CTNNA2: variants seen among roughly 807,000 people sequenced by gnomAD.
CTNNA2 encodes the protein catenin alpha 2.
In CTNNA2, 42 loss-of-function variants were observed where a neutral mutation model predicts 101.0. The ratio of observed to expected loss-of-function variants is 0.42; its 90% CI spans 0.32 to 0.54. The LOEUF is 0.54. Among genes scored for constraint, CTNNA2 ranks in the 20% least tolerant of loss-of-function variants. CTNNA2 has a pLI of 0.14. For synonymous variants in CTNNA2, 450 were observed against 456.4 expected (o/e 0.99, Z 0.18); for missense variants, 871 against 1,223.1 (o/e 0.71, Z 4.29).
At chr2:79,715,726 G>T (rs1428119797) in intron 2 of CTNNA2, among the ~76,000 whole-genome samples, 1 of 152,032 alleles carries the variant, frequency 6.6e-6, no homozygotes, top group Non-Finnish European at 1.5e-5. Flanking sequence ...ATGAAACTTG[G>T]TAAAAAGAAA....
At chr2:79,307,148 CAG>C (rs1276233423) in intron 2 of CTNNA2, among the ~76,000 whole-genome samples, 1 of 152,066 alleles carries the variant, frequency 6.6e-6, no homozygotes, top group African/African-American at 2.4e-5. Context: ...TATGGTTACA[CAG>C]TGATAGTTTG....
At chr2:79,255,506 G>T (rs185166918) in intron 2 of CTNNA2, among the ~76,000 whole-genome samples, 90 of 152,296 alleles carry the variant, frequency 5.9e-4, no homozygotes, top group African/African-American at 1.8e-3. Flanking sequence ...CAGCATGGCA[G>T]AGTTACAACT....
intron 3 of CTNNA2, among the ~76,000 whole-genome samples, chr2:79,373,465 A>G (rs1677918319): frequency 6.6e-6 from 1 of 152,220 alleles, no homozygotes; most frequent in Non-Finnish European, 1.5e-5. Context: ...CTGTAACAGG[A>G]GAATGCCTGA....
intron 7 of CTNNA2, among the ~76,000 whole-genome samples, chr2:80,290,693 C>A (rs1283477449): frequency 6.6e-6 from 1 of 151,988 alleles, no homozygotes; most frequent in Non-Finnish European, 1.5e-5. Flanking sequence ...GTGGTTTACC[C>A]CAAAAATTAG....
chr2:80,423,594 C>T (rs987386620), intron 9 of CTNNA2, among the ~76,000 whole-genome samples: 3 of 151,866 alleles, frequency 2.0e-5, no homozygotes, highest in Non-Finnish European at 4.4e-5. Context: ...TGTTTTGGGG[C>T]GGCTCCACAG....
chr2:80,069,503 C>T (rs1435691374), intron 7 of CTNNA2, among the ~76,000 whole-genome samples: 14 of 152,046 alleles, frequency 9.2e-5, no homozygotes, highest in Admixed American at 4.6e-4. Flanking sequence ...TACAACCATC[C>T]GCCATACGAT....
At chr2:80,419,065 A>G (rs972170614) in intron 8 of CTNNA2, among the ~76,000 whole-genome samples, 1 of 152,160 alleles carries the variant, frequency 6.6e-6, no homozygotes, top group Non-Finnish European at 1.5e-5. Context: ...ATCTTTATCT[A>G]AAGTTCTCCC....
At chr2:79,460,015 T>G (rs985029145) in intron 4 of CTNNA2, among the ~76,000 whole-genome samples, 1 of 152,184 alleles carries the variant, frequency 6.6e-6, no homozygotes, top group African/African-American at 2.4e-5. Flanking sequence ...TGTTGTATCC[T>G]GTGTACCTAG....
At chr2:80,552,024 T>TA (rs1692598753) in intron 11 of CTNNA2, among the ~76,000 whole-genome samples, 1 of 152,062 alleles carries the variant, frequency 6.6e-6, no homozygotes, top group Non-Finnish European at 1.5e-5. Context: ...TCTCAGGGAA[T>TA]AAGAAGCTTG....
rs761440080 is a variant in CTNNA2 at position 80,302,802 on chromosome 2, A to T, written c.1057-90409A>T. ...GCGTACTCCGGGCTGGCGCACTGCAAGTTGCCATCGTAGCGCCCCTGGAAG... is the reference window on the plus strand; with the variant it reads ...GCGTACTCCGGGCTGGCGCACTGCATGTTGCCATCGTAGCGCCCCTGGAAG... On this transcript the variant is annotated intron_variant, in intron 7 of 18. Transcript: ENST00000402739. The surrounding 1 kb of genome is among the most constrained non-coding windows in gnomAD (Gnocchi z 6.4). 6 of 1,613,788 alleles carry T rather than the reference A, an allele frequency of 3.7e-6. No individual in the cohort carries two copies. In the Admixed American group the frequency reaches 1.0e-4, roughly 27 times the overall value.
At chr2:79,681,067 C>T (rs1309686437) in intron 2 of CTNNA2, among the ~76,000 whole-genome samples, 2 of 152,152 alleles carry the variant, frequency 1.3e-5, no homozygotes, top group East Asian at 3.9e-4. Flanking sequence ...AGGTGGAAGG[C>T]TTAGTTGAGC....
chr2:80,236,858 G>A (rs910752611), intron 7 of CTNNA2, among the ~76,000 whole-genome samples: 1 of 152,172 alleles, frequency 6.6e-6, no homozygotes, highest in African/African-American at 2.4e-5. Context: ...ACTATTAAAT[G>A]TGAGATGGCA....
chr2:79,651,797 G>T, intron 2 of CTNNA2, 139 bp downstream of exon 2: 1 of 692,536 alleles, frequency 1.4e-6, no homozygotes, highest in East Asian at 2.7e-5. Flanking sequence ...ATTACTGCCT[G>T]AACTATGGGC....
At chr2:80,599,573 C>T (rs1053902845) in intron 15 of CTNNA2, among the ~76,000 whole-genome samples, 1 of 152,098 alleles carries the variant, frequency 6.6e-6, no homozygotes, top group African/African-American at 2.4e-5. Flanking sequence ...TTTCCCTTCT[C>T]TTCTGTTCAT....
intron 9 of CTNNA2, among the ~76,000 whole-genome samples, chr2:80,461,783 A>G (rs2149473115): frequency 6.6e-6 from 1 of 152,160 alleles, no homozygotes; most frequent in Middle Eastern, 3.4e-3. Context: ...TAGACTTGGA[A>G]CCAAATAATG....
chr2:79,996,078 G>A (rs1382304097), intron 7 of CTNNA2, among the ~76,000 whole-genome samples: 1 of 152,180 alleles, frequency 6.6e-6, no homozygotes, highest in African/African-American at 2.4e-5. Context: ...AGTTAAGTAG[G>A]AGGTGTTGAG....
chr2:79,909,629 G>T lies in CTNNA2; in HGVS notation c.888G>T (p.Glu296Asp). 6.2e-7 allele frequency: 1 copy of T among 1,612,974 alleles called. No individual in the cohort carries two copies. The highest frequency in any genetic ancestry group is 8.5e-7 in the Non-Finnish European group (1 of 1,179,108). The change falls in exon 7 of 19, where the codon GAG (glutamate) becomes GAT (aspartate). Residue 296 changes from glutamate to aspartate, a missense_variant. Glu to Asp is a conservative substitution (Grantham distance 45, BLOSUM62 2). Transcript: ENST00000402739. Reference protein sequence around the residue: ...KIILDPMTFSEARFRPSLEER... With the variant: ...KIILDPMTFSDARFRPSLEER... The stretch of plus-strand genomic sequence containing the variant: ...TCCTGGACCCCATGACGTTCAGCGA[G>T]GCCAGGTTCCGGCCGTCCCTGGAGG...
intron 9 of CTNNA2, among the ~76,000 whole-genome samples, chr2:80,489,183 C>T (rs777007643): frequency 6.6e-6 from 1 of 152,152 alleles, no homozygotes; most frequent in Non-Finnish European, 1.5e-5. Context: ...GACATTTCTG[C>T]AGGTCTTTTT....
intron 3 of CTNNA2, among the ~76,000 whole-genome samples, chr2:79,756,064 AGGAGTACTTCAGGT>A (rs781365189): frequency 0.14 from 21,794 of 152,082 alleles, 1,651 homozygotes; most frequent in Middle Eastern, 0.22. Context: ...CTGAGGGCCC[AGGAGTACTTCAGGT>A]CAGCACAGAG....
Sources: allele counts gnomAD v4.1 joint callset (sites outside exome capture counted in the v4.1 genomes callset), GRCh38; gene constraint gnomAD v4.1.1; non-coding constraint Gnocchi (gnomAD v3.1); transcripts MANE v1.5; gene names NCBI Gene and HGNC (gene_info 2026-07-23, HGNC 2026-07-21).